REXO1: variants seen among roughly 807,000 people sequenced by gnomAD.
REXO1 encodes the protein REX1, RNA exonuclease 1 homolog.
Under a neutral mutation model 102.6 loss-of-function variants are expected in REXO1, and 42 were observed. The ratio of observed to expected loss-of-function variants is 0.41; its 90% confidence interval spans 0.32 to 0.53. The LOEUF is 0.53. Among genes scored for constraint, REXO1 ranks in the 20% least tolerant of loss-of-function variants. The pLI is 0.27. For missense variants in REXO1, 1,819 were observed against 1,732.5 expected (o/e 1.05, Z -0.89); for synonymous variants, 908 against 779.1 (o/e 1.17, Z -2.76).
In REXO1 at chr19:1,848,099, G is replaced by A. The variant is rs1446249872; in HGVS notation, c.157+103C>T. On this transcript the variant is annotated intron_variant, in intron 1 of 15. Coordinates refer to ENST00000170168, the MANE Select transcript of REXO1 (RefSeq NM_020695.4). ...AAAACCGTCGCCCGCGAACGTGTGG[G>A]GAGGAGGCTGGGCCGAGAACGGGGA... is the stretch of plus-strand genomic sequence containing the variant. 9.4e-6 allele frequency: 5 copies of A among 533,504 alleles called. No individual in the cohort carries two copies. In the African/African-American group the frequency reaches 9.9e-5, roughly 11 times the overall value. 33.0% of individuals were successfully genotyped at this position (533,504 alleles called of 1,614,324 possible). A position where few individuals can be genotyped will look rare whatever the true frequency, so the allele number is the denominator to read the frequency against.
At chr19:1,838,755 CT>C (rs1433344767) in intron 1 of REXO1, among the ~76,000 whole-genome samples, 1 of 152,128 alleles carries the variant, frequency 6.6e-6, no homozygotes, top group African/African-American at 2.4e-5. Context: ...CCCCCTATGC[CT>C]CTCCATCCCT....
chr19:1,825,580 A>G (rs577238018), intron 3 of REXO1, among the ~76,000 whole-genome samples: 2 of 151,382 alleles, frequency 1.3e-5, no homozygotes, highest in South Asian at 2.1e-4. Context: ...AGTTCAAGCG[A>G]TTCTCCTGCC....
Position 1,818,494 on chromosome 19 carries a change from G to A in REXO1, c.3004C>T (p.Arg1002Cys), listed in dbSNP as rs750082916. ...GGTAAGGCCTTACCCCGGTTCCGGCGCAGCCGTCCCCAGTGGTAATAACAC... is the reference window on the plus strand; with the variant it reads ...GGTAAGGCCTTACCCCGGTTCCGGCACAGCCGTCCCCAGTGGTAATAACAC... The part of the protein sequence containing the change: ...EECYYHWGRL[R>C]RNRVAGGWET... The change falls in exon 10 of 16, where the codon CGC (arginine) becomes TGC (cysteine). Residue 1002 changes from arginine to cysteine, a missense_variant. Physicochemically the swap from Arg to Cys is radical, Grantham distance 180 (BLOSUM62 -3). Transcript: ENST00000170168. 15 of 1,604,482 alleles carry A rather than the reference G, an allele frequency of 9.3e-6. No homozygotes were observed. The highest frequency in any genetic ancestry group is 4.5e-5 in the East Asian group (2 of 44,498).
chr19:1,847,055 G>C (rs552509170), intron 1 of REXO1, among the ~76,000 whole-genome samples: 1 of 152,122 alleles, frequency 6.6e-6, no homozygotes, highest in Non-Finnish European at 1.5e-5. Context: ...CACAGCTGTC[G>C]GCAGGTCCCT....
chr19:1,834,983 G>A, intron 1 of REXO1: 1 of 434,886 alleles, frequency 2.3e-6, no homozygotes. Flanking sequence ...ATCCTGGCCT[G>A]GGCGCTCCAG....
At position 1,815,518 on chromosome 19, in the gene REXO1, G is replaced by A. The variant is rs2069334331; in HGVS notation, c.*548C>T. On this transcript the variant is annotated 3_prime_UTR_variant, in exon 16 of 16. Transcript: ENST00000170168. This position sits in a 1 kb window ranked among gnomAD's most constrained non-coding sequence, Gnocchi z 4.0. ...CACAGAGGCGGGTCCAGCCCACACT[G>A]CGCTGAGTGTGGCCCTGGCCCCCAC... The A allele has an allele frequency of 3.1e-6, 1 of 325,382 alleles. No homozygotes were observed. Among genetic ancestry groups the A allele is most frequent in the Non-Finnish European group, 5.1e-6 (1 of 197,740 alleles). 20.2% of individuals were successfully genotyped at this position (325,382 alleles called of 1,614,324 possible).
At chr19:1,823,460 T>C in intron 4 of REXO1, 112 bp downstream of exon 4, 2 of 750,232 alleles carry the variant, frequency 2.7e-6, no homozygotes, top group Non-Finnish European at 1.8e-6. Context: ...CCCAAAGTCA[T>C]CCCATGAGCA....
intron 1 of REXO1, among the ~76,000 whole-genome samples, chr19:1,839,583 G>T (rs2011202052): frequency 6.6e-6 from 1 of 152,232 alleles, no homozygotes; most frequent in Admixed American, 6.5e-5. Flanking sequence ...TGCAGATGCT[G>T]GGGGGACGGG....
chr19:1,827,024 A>C lies in REXO1; in HGVS notation c.1765T>G (p.Ser589Ala), dbSNP rs1237443964. ...APSSSSSSSSSTSSAGADVDY... is the reference protein window; with the variant it reads ...APSSSSSSSSATSSAGADVDY... The stretch of plus-strand genomic sequence containing the variant: ...ACATCCGCCCCCGCGCTGGAGGTGG[A>C]GGAGGAGGAGGAGGAGGAGGAGGAT... Residue 589 changes from serine to alanine, a missense_variant, in exon 2 of 16, where the codon TCC becomes GCC. Physicochemically the swap from Ser to Ala is moderately conservative, Grantham distance 99. Coordinates refer to ENST00000170168, the MANE Select transcript of REXO1 (RefSeq NM_020695.4). 2 of 563,400 alleles carry C rather than the reference A, an allele frequency of 3.5e-6. No homozygotes were observed. Among genetic ancestry groups the C allele is most frequent in the Non-Finnish European group, 4.9e-6 (2 of 404,780 alleles). 34.9% of individuals were successfully genotyped at this position (563,400 alleles called of 1,614,324 possible).
chr19:1,830,071 G>A (rs2069862621), intron 1 of REXO1, among the ~76,000 whole-genome samples: 1 of 152,212 alleles, frequency 6.6e-6, no homozygotes, highest in Non-Finnish European at 1.5e-5. Context: ...CAGCACAGAA[G>A]TCAGAACCAC....
chr19:1,847,886 C>G (rs947109365), intron 1 of REXO1, among the ~76,000 whole-genome samples: 2 of 152,124 alleles, frequency 1.3e-5, no homozygotes, highest in African/African-American at 2.4e-5. Flanking sequence ...CGGCCGCGCC[C>G]GTCTCCCGAG....
At chr19:1,817,547 G>T in intron 11 of REXO1, 160 bp downstream of exon 11, 1 of 1,454,234 alleles carries the variant, frequency 6.9e-7, no homozygotes, top group Non-Finnish European at 9.2e-7. Context: ...CAGGGCCTGG[G>T]GCCTACGGGT....
chr19:1,845,441 A>T (rs540242076), intron 1 of REXO1, among the ~76,000 whole-genome samples: 1 of 152,272 alleles, frequency 6.6e-6, no homozygotes, highest in African/African-American at 2.4e-5. Flanking sequence ...AGGAGAGAGG[A>T]TCGCTTGAGT....
At position 1,826,551 on chromosome 19, in the gene REXO1, G is replaced by A. The variant is rs558787804; in HGVS notation, c.1911+327C>T. Among the ~76,000 whole-genome samples, 64 of 151,162 alleles carry A rather than the reference G, an allele frequency of 4.2e-4. No individual in the cohort carries two copies. Among genetic ancestry groups the A allele is most frequent in the African/African-American group, 1.5e-3 (63 of 41,064 alleles). On this transcript the variant is annotated intron_variant, in intron 2 of 15. Transcript: ENST00000170168. This position sits in a 1 kb window ranked among gnomAD's most constrained non-coding sequence, Gnocchi z 4.3. ...GAGGGGAGAGGGGCTAGAAGGGTGT[G>A]CCGGAGGTGGATTCCCCTGAGGTGG...
rs1356410928 is a variant in REXO1 at position 1,828,915 on chromosome 19, A to T, written c.158-284T>A. Reference sequence around the variant, plus strand: ...TACTGGAGGCTCCCTCACACGGCTCATGAAATGCGCACAATGACCATGGTG... The same window carrying T: ...TACTGGAGGCTCCCTCACACGGCTCTTGAAATGCGCACAATGACCATGGTG... On this transcript the variant is annotated intron_variant, in intron 1 of 15. Transcript: ENST00000170168. Among the ~76,000 whole-genome samples, 3 of 152,228 alleles carry T rather than the reference A, an allele frequency of 2.0e-5. No homozygotes were observed. The South Asian group carries it at 6.2e-4, about 31-fold the overall frequency.
chr19:1,817,382 G>A lies in REXO1; in HGVS notation c.3091-53C>T, dbSNP rs1306482412. On this transcript the variant is annotated intron_variant, in intron 11 of 15. Coordinates refer to ENST00000170168, the MANE Select transcript of REXO1 (RefSeq NM_020695.4). Reference sequence around the variant, plus strand: ...AGCTTCGGGGTGCAGTGGGGGCGGGGGTGGCAGCAGCAGCACATCTCTGAG... The same window carrying A: ...AGCTTCGGGGTGCAGTGGGGGCGGGAGTGGCAGCAGCAGCACATCTCTGAG... The A allele has an allele frequency of 3.7e-5, 60 of 1,600,544 alleles. No individual in the cohort carries two copies. The Middle Eastern group carries it at 8.6e-4, about 23-fold the overall frequency.
At position 1,815,643 on chromosome 19, in the gene REXO1, TAATAAA is replaced by T. The variant is rs1600504999; in HGVS notation, c.*417_*422del. On this transcript the variant is annotated 3_prime_UTR_variant, in exon 16 of 16. Coordinates refer to ENST00000170168, the MANE Select transcript of REXO1 (RefSeq NM_020695.4). This position sits in a 1 kb window ranked among gnomAD's most constrained non-coding sequence, Gnocchi z 4.0. ...CAAGTCATCAGGTTTAAATTAAAAATAATAAAAATAACAATACAAAATAAAAAAAGA... is the reference window on the plus strand; with the variant it reads ...CAAGTCATCAGGTTTAAATTAAAAATAATAACAATACAAAATAAAAAAAGA... The T allele has an allele frequency of 8.6e-7, 1 of 1,165,450 alleles. No individual in the cohort carries two copies. The highest frequency in any genetic ancestry group is 3.8e-4 in the Middle Eastern group (1 of 2,604). 72.2% of individuals were successfully genotyped at this position (1,165,450 alleles called of 1,614,324 possible).
intron 4 of REXO1, chr19:1,821,953 T>C (rs775925046): frequency 1.9e-4 from 103 of 547,492 alleles, no homozygotes; most frequent in Non-Finnish European, 2.7e-4. Flanking sequence ...CCACGTGTTC[T>C]GACCCCAAGC....
At chr19:1,838,918 A>G (rs1245667367) in intron 1 of REXO1, among the ~76,000 whole-genome samples, 1 of 151,946 alleles carries the variant, frequency 6.6e-6, no homozygotes, top group Non-Finnish European at 1.5e-5. Context: ...GGAGTTCGAG[A>G]CCAGCCTGGG....
Sources: allele counts gnomAD v4.1 joint callset (sites outside exome capture counted in the v4.1 genomes callset), GRCh38; gene constraint gnomAD v4.1.1; non-coding constraint Gnocchi (gnomAD v3.1); transcripts MANE v1.5; gene names NCBI Gene and HGNC (gene_info 2026-07-23, HGNC 2026-07-21).